LHCGR: variants seen among roughly 807,000 people sequenced by gnomAD.
LHCGR encodes lutropin-choriogonadotropic hormone receptor.
In LHCGR, 55 loss-of-function variants were observed where a neutral mutation model predicts 60.7. That is an observed-to-expected ratio of 0.91 (90% confidence interval 0.73 to 1.13). LHCGR has a LOEUF of 1.13. Among genes scored for constraint, LHCGR ranks in the 50% most tolerant of loss-of-function variants. The probability of loss-of-function intolerance (pLI) is 0.00; values close to 1 mark genes in which losing one functional copy is unlikely to be tolerated. For synonymous variants in LHCGR, 337 were observed against 316.5 expected, an observed-to-expected ratio of 1.06 and a Z score of -0.69; for missense variants, 862 against 836.0, an observed-to-expected ratio of 1.03 and a Z score of -0.38.
rs760722768 is a variant in LHCGR, at chr2:48,729,209, A to C, written c.252T>G (p.Asp84Glu). ...CATTAGCTTCTATCCTTTCCAGGGA[A>C]TCAATCTGAGAGATTTCACTAGGGA... Reference protein sequence around the residue: ...EVIKIEISQIDSLERIEANAF... With the variant: ...EVIKIEISQIESLERIEANAF... Residue 84 changes from aspartate to glutamate, a missense_variant, in exon 3 of 11, where the codon GAT becomes GAG. Physicochemically the swap from Asp to Glu is conservative, Grantham distance 45. Coordinates refer to ENST00000294954, the MANE Select transcript of LHCGR (RefSeq NM_000233.4). 3 of 1,610,314 alleles carry C rather than the reference A, an allele frequency of 1.9e-6. No individual in the cohort carries two copies. The highest frequency in any genetic ancestry group is 1.7e-6 in the Non-Finnish European group (2 of 1,177,798).
chr2:48,719,702 A>T (rs1668419280), intron 6 of LHCGR, among the ~76,000 whole-genome samples: 1 of 152,170 alleles, frequency 6.6e-6, no homozygotes, highest in Admixed American at 6.5e-5. Context: ...CATCAAGTGA[A>T]GTGTTTTGTT....
intron 1 of LHCGR, among the ~76,000 whole-genome samples, chr2:48,752,997 T>TGGGGGGGGGGGGGGGGGGGGGG (rs1558909396): frequency 1.1e-4 from 2 of 18,436 alleles, no homozygotes; most frequent in Non-Finnish European, 9.8e-5. Context: ...GGGGGGGGGG[T>TGGGGGGGGGGGGGGGGGGGGGG]GGGGAAGGGA....
intron 7 of LHCGR, among the ~76,000 whole-genome samples, chr2:48,712,103 C>T (rs1302753754): frequency 6.6e-6 from 1 of 151,816 alleles, no homozygotes; most frequent in East Asian, 1.9e-4. Flanking sequence ...CTCTTTTTGC[C>T]TAAGTTATGC....
At chr2:48,755,475 A>G in intron 1 of LHCGR, 36 bp downstream of exon 1, 1 of 1,386,602 alleles carries the variant, frequency 7.2e-7, no homozygotes, top group Non-Finnish European at 1.0e-6. Flanking sequence ...AGGGTCCTGC[A>G]TCAAGGGCGC....
Position 48,755,428 on chromosome 2 carries a change from C to T in LHCGR, c.161+83G>A, listed in dbSNP as rs1670162569. On this transcript the variant is annotated intron_variant, in intron 1 of 10. Coordinates refer to ENST00000294954, the MANE Select transcript of LHCGR (RefSeq NM_000233.4). ...CTCCAAGCTTCCAGGGAAAGGGGGCCAAAGGAGTAGGGAGGGAAGGTGGCA... is the reference window on the plus strand; with the variant it reads ...CTCCAAGCTTCCAGGGAAAGGGGGCTAAAGGAGTAGGGAGGGAAGGTGGCA... 6.9e-6 allele frequency: 6 copies of T among 873,862 alleles called. No homozygotes were observed. In the Admixed American group the frequency reaches 1.6e-4, roughly 23 times the overall value. The allele number at this position is 873,862 out of a possible 1,614,324, so 54.1% of individuals were successfully genotyped here. A position where few individuals can be genotyped will look rare whatever the true frequency, so the allele number is the denominator to read the frequency against.
chr2:48,744,552 C>T (rs1360852014), intron 1 of LHCGR, among the ~76,000 whole-genome samples: 1 of 80,500 alleles, frequency 1.2e-5, no homozygotes, highest in African/African-American at 5.3e-5. Flanking sequence ...ATATCTACAA[C>T]TATCTGATCT....
chr2:48,744,745 G>A (rs1212270818), intron 1 of LHCGR, among the ~76,000 whole-genome samples: 1 of 149,978 alleles, frequency 6.7e-6, no homozygotes, highest in Non-Finnish European at 1.5e-5. Context: ...AAAAACCCTA[G>A]AAGAAAACCC....
rs753351823 is a variant in LHCGR, at chr2:48,688,288, G to A, written c.1509C>T (p.Val503=). 1.2e-6 allele frequency: 2 copies of A among 1,614,060 alleles called. No homozygotes were observed. ...TGACCTTCATGTAATTGCTGACACC[G>A]ACAAGGGGCAACATAGCAATTAGAG... is the stretch of plus-strand genomic sequence containing the variant. ...FSSLIAMLPL[V]GVSNYMKVSI... Residue 503 remains valine (V), a synonymous_variant, in exon 11 of 11, where the codon GTC becomes GTT. Transcript: ENST00000294954. This position sits in a 1 kb window ranked among gnomAD's most constrained non-coding sequence, Gnocchi z 5.2.
intron 1 of LHCGR, among the ~76,000 whole-genome samples, chr2:48,737,279 T>A (rs547667779): frequency 7.0e-4 from 107 of 152,322 alleles, no homozygotes; most frequent in African/African-American, 2.3e-3. Flanking sequence ...TTGCTAGAGC[T>A]ATATCCTGAA....
intron 1 of LHCGR, among the ~76,000 whole-genome samples, chr2:48,749,365 A>C (rs1449085691): frequency 6.6e-6 from 1 of 152,176 alleles, no homozygotes; most frequent in Non-Finnish European, 1.5e-5. Context: ...GCTGGGTGGG[A>C]ATTTGCTAAA....
chr2:48,726,002 T>A (rs1668702953), intron 3 of LHCGR, among the ~76,000 whole-genome samples: 1 of 152,114 alleles, frequency 6.6e-6, no homozygotes, highest in African/African-American at 2.4e-5. Context: ...GCAGGGAGTC[T>A]GTCTCTGCAC....
intron 1 of LHCGR, among the ~76,000 whole-genome samples, chr2:48,742,916 A>G (rs1461504029): frequency 6.6e-6 from 1 of 152,204 alleles, no homozygotes; most frequent in African/African-American, 2.4e-5. Flanking sequence ...TGGTTTTTTG[A>G]AAGGATCAAC....
chr2:48,729,285 G>T, intron 2 of LHCGR, 58 bp from the exon 3 acceptor site: 1 of 1,305,820 alleles, frequency 7.7e-7, no homozygotes, highest in Non-Finnish European at 1.1e-6. Context: ...GACCGTGTCT[G>T]CATGATTATG....
At chr2:48,691,292 G>A (rs577824113) in intron 10 of LHCGR, among the ~76,000 whole-genome samples, 1 of 152,248 alleles carries the variant, frequency 6.6e-6, no homozygotes, top group Non-Finnish European at 1.5e-5. Context: ...CAATACTGAA[G>A]GGAAAGAACA....
chr2:48,694,005 A>G (rs1666990077), intron 10 of LHCGR, among the ~76,000 whole-genome samples: 1 of 152,114 alleles, frequency 6.6e-6, no homozygotes, highest in Non-Finnish European at 1.5e-5. Context: ...ATAAATATTA[A>G]GGAACATTTT....
intron 9 of LHCGR, among the ~76,000 whole-genome samples, chr2:48,697,308 C>G (rs1219187715): frequency 6.6e-6 from 1 of 152,236 alleles, no homozygotes; most frequent in African/African-American, 2.4e-5. Flanking sequence ...CATTAACAAA[C>G]TCTTGTTCAG....
chr2:48,746,574 G>A (rs911169613), intron 1 of LHCGR, among the ~76,000 whole-genome samples: 2 of 152,158 alleles, frequency 1.3e-5, no homozygotes, highest in Non-Finnish European at 2.9e-5. Flanking sequence ...CAGCCATTCC[G>A]CAGCACCCAA....
chr2:48,690,099 A>G (rs750853389), intron 10 of LHCGR, among the ~76,000 whole-genome samples: 10 of 152,144 alleles, frequency 6.6e-5, no homozygotes, highest in Non-Finnish European at 1.5e-4. Flanking sequence ...TCCATTCTGT[A>G]TGTTCCTTCT....
intron 7 of LHCGR, among the ~76,000 whole-genome samples, chr2:48,710,198 C>G (rs1667910124): frequency 6.6e-6 from 1 of 152,198 alleles, no homozygotes; most frequent in African/African-American, 2.4e-5. Context: ...ATCCACCTGT[C>G]AATCTCACAT....
Sources: allele counts gnomAD v4.1 joint callset (sites outside exome capture counted in the v4.1 genomes callset), GRCh38; gene constraint gnomAD v4.1.1; non-coding constraint Gnocchi (gnomAD v3.1); transcripts MANE v1.5; gene names NCBI Gene and HGNC (gene_info 2026-07-23, HGNC 2026-07-21).